ERI3: variants seen among roughly 807,000 people sequenced by gnomAD.
ERI3 encodes ERI1 exoribonuclease 3.
Under a neutral mutation model 44.4 loss-of-function variants are expected in ERI3, and 18 were observed. That is an observed-to-expected ratio of 0.41 (90% confidence interval 0.28 to 0.60). The LOEUF is 0.60. Among genes scored for constraint, ERI3 ranks in the 20% least tolerant of loss-of-function variants. The pLI is 0.36. For synonymous variants in ERI3, 183 were observed against 164.8 expected (o/e 1.11, Z -0.84); for missense variants, 294 against 435.5 (o/e 0.68, Z 2.89).
At chr1:44,298,459 A>T (rs368592858) in intron 6 of ERI3, among the ~76,000 whole-genome samples, 3 of 152,334 alleles carry the variant, frequency 2.0e-5, no homozygotes, top group African/African-American at 7.2e-5. Context: ...CAGCAAACAT[A>T]TACTAAATAA....
rs1353199558 is a variant in ERI3, at chr1:44,252,340, T to C, written c.832-4302A>G. ...AGGTGCCGAGCTGCTCCCGGCTGGC[T>C]CTCCCCTCTCGTGGCTCTGCCCGCC... On this transcript the variant is annotated intron_variant, in intron 7 of 8. Transcript: ENST00000372257. The surrounding 1 kb of genome is among the most constrained non-coding windows in gnomAD (Gnocchi z 4.7). Among the ~76,000 whole-genome samples the C allele has an allele frequency of 6.6e-6, 1 of 152,200 alleles. No individual in the cohort carries two copies. The highest frequency in any genetic ancestry group is 2.4e-5 in the African/African-American group (1 of 41,452).
chr1:44,328,598 A>G (rs899136327), intron 3 of ERI3, among the ~76,000 whole-genome samples: 8 of 152,120 alleles, frequency 5.3e-5, no homozygotes, highest in African/African-American at 1.9e-4. Context: ...TATATTTAGT[A>G]TATTCAGATT....
rs1486510796 is a variant in ERI3 at position 44,252,891 on chromosome 1, CAG to C, written c.832-4855_832-4854del. ...GCTGCTCTGCAACTTTCAGAAAAAC[CAG>C]AGTTTTGAAGCCTGTGCTAGCACAT... On this transcript the variant is annotated intron_variant, in intron 7 of 8. Transcript: ENST00000372257. This position sits in a 1 kb window ranked among gnomAD's most constrained non-coding sequence, Gnocchi z 4.7. 3.3e-5 allele frequency among the ~76,000 whole-genome samples: 5 copies of C among 152,312 alleles called. No individual in the cohort carries two copies. The highest frequency in any genetic ancestry group is 1.2e-4 in the African/African-American group (5 of 41,550).
intron 7 of ERI3, among the ~76,000 whole-genome samples, chr1:44,274,347 T>C (rs1338844272): frequency 1.3e-5 from 2 of 152,216 alleles, no homozygotes; most frequent in Non-Finnish European, 2.9e-5. Context: ...ACAGTGCCGA[T>C]GCAGTGAGAC....
At chr1:44,259,920 T>G (rs2799476) in intron 7 of ERI3, among the ~76,000 whole-genome samples, 11 of 129,636 alleles carry the variant, frequency 8.5e-5, no homozygotes, top group African/African-American at 3.2e-4. Context: ...GATAGATAGA[T>G]AGACAGACAG....
At chr1:44,234,785 C>G (rs944764467) in intron 8 of ERI3, among the ~76,000 whole-genome samples, 2 of 151,902 alleles carry the variant, frequency 1.3e-5, no homozygotes, top group Non-Finnish European at 2.9e-5. Context: ...TTTCTGTTGC[C>G]CAGGCTGGAG....
intron 6 of ERI3, among the ~76,000 whole-genome samples, chr1:44,292,190 G>C (rs193047051): frequency 6.6e-6 from 1 of 152,236 alleles, no homozygotes; most frequent in Non-Finnish European, 1.5e-5. Flanking sequence ...TACTGGAGAA[G>C]GCTTGCTGGG....
At chr1:44,338,283 G>A (rs774941111) in intron 3 of ERI3, among the ~76,000 whole-genome samples, 1 of 152,244 alleles carries the variant, frequency 6.6e-6, no homozygotes, top group Non-Finnish European at 1.5e-5. Context: ...AGGAATTTGA[G>A]AGTGGCTTAG....
intron 3 of ERI3, among the ~76,000 whole-genome samples, chr1:44,326,684 A>G (rs1013528290): frequency 3.9e-5 from 6 of 152,206 alleles, no homozygotes; most frequent in African/African-American, 1.4e-4. Context: ...GCTGATTTAC[A>G]CTTTGACAGA....
chr1:44,322,767 C>T (rs1175805219), intron 3 of ERI3: 1 of 1,549,902 alleles, frequency 6.5e-7, no homozygotes, highest in Non-Finnish European at 8.7e-7. Context: ...TTCCCAGAAC[C>T]TCAAAATACT....
intron 7 of ERI3, among the ~76,000 whole-genome samples, chr1:44,251,694 A>T (rs1015687503): frequency 6.6e-6 from 1 of 152,188 alleles, no homozygotes; most frequent in Non-Finnish European, 1.5e-5. Context: ...AAGACAAAGG[A>T]AAGTGGCATG....
chr1:44,231,860 C>A (rs907879416), intron 8 of ERI3, among the ~76,000 whole-genome samples: 1 of 152,170 alleles, frequency 6.6e-6, no homozygotes, highest in South Asian at 2.1e-4. Context: ...AGGAAAATTT[C>A]TTATCTCTTA....
At chr1:44,234,770 G>C (rs1363020730) in intron 8 of ERI3, among the ~76,000 whole-genome samples, 2 of 151,838 alleles carry the variant, frequency 1.3e-5, no homozygotes, top group Non-Finnish European at 2.9e-5. Context: ...TTGAGACAGG[G>C]TTTCTTTCTG....
chr1:44,261,875 G>C (rs1173329236), intron 7 of ERI3, among the ~76,000 whole-genome samples: 1 of 152,204 alleles, frequency 6.6e-6, no homozygotes, highest in African/African-American at 2.4e-5. Context: ...GCTGGGAATG[G>C]GTGTGGCAAA....
At chr1:44,347,124 C>A (rs892311588) in intron 2 of ERI3, among the ~76,000 whole-genome samples, 6 of 152,190 alleles carry the variant, frequency 3.9e-5, no homozygotes, top group Non-Finnish European at 7.3e-5. Context: ...CATTTCCCCA[C>A]ATGACTGATT....
intron 8 of ERI3, among the ~76,000 whole-genome samples, chr1:44,225,753 T>C (rs1180086842): frequency 6.6e-6 from 1 of 152,156 alleles, no homozygotes; most frequent in East Asian, 1.9e-4. Flanking sequence ...TATTCTCCAT[T>C]AGCGGTACTT....
At chr1:44,244,178 G>A (rs1382295413) in intron 8 of ERI3, 1 of 152,910 alleles carries the variant, frequency 6.5e-6, no homozygotes, top group Non-Finnish European at 1.5e-5. Flanking sequence ...TCCAAACTAA[G>A]GATGCTGACA....
At chr1:44,238,766 A>G (rs1644366103) in intron 8 of ERI3, among the ~76,000 whole-genome samples, 1 of 151,908 alleles carries the variant, frequency 6.6e-6, no homozygotes. Flanking sequence ...CAGAGGCCAG[A>G]CTGGGGCTGA....
In ERI3 at chr1:44,339,312, A is replaced by T. The variant is rs1646600387; in HGVS notation, c.222T>A (p.Ala74=). The T allele has an allele frequency of 2.5e-6, 4 of 1,572,486 alleles. No individual in the cohort carries two copies. Among genetic ancestry groups the T allele is most frequent in the Non-Finnish European group, 3.5e-6 (4 of 1,157,550 alleles). Residue 74 remains alanine (A), a synonymous_variant, in exon 3 of 9, where the codon GCT becomes GCA. Transcript: ENST00000372257. ...GIFEVRRVLD[A]SGCSMLAPLQ... is the part of the protein sequence containing the mutation. ...AAGGTGCTAGCATTGAACATCCAGA[A>T]GCATCTAAAACTTAGGGGAGGAAAG...
Sources: allele counts gnomAD v4.1 joint callset (sites outside exome capture counted in the v4.1 genomes callset), GRCh38; gene constraint gnomAD v4.1.1; non-coding constraint Gnocchi (gnomAD v3.1); transcripts MANE v1.5; gene names NCBI Gene and HGNC (gene_info 2026-07-23, HGNC 2026-07-21).